Variants in EXPH5 observed in about 807,000 individuals in gnomAD.
The protein encoded by EXPH5 is exophilin-5.
A neutral mutation model predicts 41.1 loss-of-function variants in EXPH5; 42 were observed. The observed-to-expected ratio is 1.02, with a 90% confidence interval of 0.80 to 1.32. EXPH5 has a LOEUF of 1.32. Among genes scored for constraint, EXPH5 ranks in the 40% most tolerant of loss-of-function variants. The probability of loss-of-function intolerance (pLI) is 0.00; values close to 1 mark genes in which losing one functional copy is unlikely to be tolerated. For synonymous variants in EXPH5, 798 were observed against 833.5 expected (o/e 0.96, Z 0.73); for missense variants, 2,298 against 2,314.5 (o/e 0.99, Z 0.15).
At chr11:108,595,810 G>A (rs1029626750), upstream of EXPH5, among the ~76,000 whole-genome samples, 2 of 152,218 alleles carry the variant, frequency 1.3e-5, no homozygotes, top group African/African-American at 4.8e-5. Context: ...AAGGTAGGCT[G>A]AGCTCTGACT....
At chr11:108,563,774 G>C (rs558948530) in intron 1 of EXPH5, among the ~76,000 whole-genome samples, 10 of 152,294 alleles carry the variant, frequency 6.6e-5, no homozygotes, top group East Asian at 3.9e-4. Context: ...AGGTTGATGG[G>C]GAAAGGGAAA....
At chr11:108,515,760 GCA>G (rs2093720976) in intron 5 of EXPH5, among the ~76,000 whole-genome samples, 1 of 152,090 alleles carries the variant, frequency 6.6e-6, no homozygotes, top group Admixed American at 6.6e-5. Flanking sequence ...ACTGTACAAT[GCA>G]ACCTCTGTGC....
chr11:108,540,477 T>C (rs949328293), intron 2 of EXPH5, among the ~76,000 whole-genome samples: 3 of 152,148 alleles, frequency 2.0e-5, no homozygotes, highest in Non-Finnish European at 4.4e-5. Flanking sequence ...TGAGTCTTTT[T>C]ACGTAGATAT....
intron 4 of EXPH5, among the ~76,000 whole-genome samples, chr11:108,525,351 C>T (rs1299196141): frequency 6.6e-6 from 1 of 152,160 alleles, no homozygotes; most frequent in Non-Finnish European, 1.5e-5. Context: ...ACAGAGCTGG[C>T]AGTATCACTG....
intron 1 of EXPH5, among the ~76,000 whole-genome samples, chr11:108,588,802 T>C (rs2094120562): frequency 6.6e-6 from 1 of 152,240 alleles, no homozygotes; most frequent in Non-Finnish European, 1.5e-5. Context: ...AAAAGAACAC[T>C]GCTGCTTGGC....
Position 108,593,607 on chromosome 11 carries a change from T to G in EXPH5, c.-71A>C. 6.2e-7 allele frequency: 1 copy of G among 1,611,710 alleles called. No individual in the cohort carries two copies. The highest frequency in any genetic ancestry group is 1.3e-5 in the African/African-American group (1 of 74,950). On this transcript the variant is annotated 5_prime_UTR_variant, in exon 1 of 6. Transcript: ENST00000265843. ...TGTTAGGAAGGCATTTTTCAACCTGTACAAGACCAGTTTCACGAACTTGAT... is the reference window on the plus strand; with the variant it reads ...TGTTAGGAAGGCATTTTTCAACCTGGACAAGACCAGTTTCACGAACTTGAT...
At chr11:108,530,527 G>A (rs968924108) in intron 3 of EXPH5, among the ~76,000 whole-genome samples, 5 of 151,480 alleles carry the variant, frequency 3.3e-5, no homozygotes, top group Non-Finnish European at 5.9e-5. Context: ...AAAAGCTTGG[G>A]CACAGCAAGG....
chr11:108,606,233 C>T, the EXPH5 span, among the ~76,000 whole-genome samples: 2 of 152,180 alleles, frequency 1.3e-5, no homozygotes, highest in Non-Finnish European at 2.9e-5. Flanking sequence ...AACTGCCTAG[C>T]TCTAAAGCCA....
In EXPH5 at chr11:108,505,924, G is replaced by A. The variant is rs1197129461; in HGVS notation, c.*3613C>T. ...AACCAAACCTTTGTTAGTAGCAGTT[G>A]GAATTTTGTTGGCATCAATGTATTT... On this transcript the variant is annotated 3_prime_UTR_variant, in exon 6 of 6. Transcript: ENST00000265843. The A allele has an allele frequency of 6.6e-6, 1 of 152,100 alleles. No individual in the cohort carries two copies. Among genetic ancestry groups the A allele is most frequent in the Non-Finnish European group, 1.5e-5 (1 of 68,022 alleles). 9.4% of individuals were successfully genotyped at this position (152,100 alleles called of 1,614,324 possible). A position where few individuals can be genotyped will look rare whatever the true frequency, so the allele number is the denominator to read the frequency against.
intron 1 of EXPH5, among the ~76,000 whole-genome samples, chr11:108,576,802 T>C (rs985905227): frequency 4.6e-5 from 7 of 152,206 alleles, no homozygotes; most frequent in African/African-American, 1.4e-4. Flanking sequence ...CGTTTCCTTA[T>C]TGTGCTATCA....
Position 108,514,558 on chromosome 11 carries a change from CA to C in EXPH5, c.948del (p.Phe316LeufsTer74). The stretch of plus-strand genomic sequence containing the variant: ...CTGTCAAAACACAGCGAAGTACTGC[CA>C]AAAGTATTCTTTTGCACATAATCTT... Reference protein sequence around the residue: ...FKEDYVQKNTFGSTSLCFDSR... With the variant: ...FKEDYVQKNTXGSTSLCFDSR... On this transcript the variant is annotated frameshift_variant, in exon 6 of 6. Coordinates refer to ENST00000265843, the MANE Select transcript of EXPH5 (RefSeq NM_015065.3). LOFTEE classifies it low-confidence loss of function (END_TRUNC). 1 of 1,614,020 alleles carries C rather than the reference CA, an allele frequency of 6.2e-7. No homozygotes were observed. The highest frequency in any genetic ancestry group is 8.5e-7 in the Non-Finnish European group (1 of 1,179,950).
chr11:108,581,541 C>T (rs1267051563), intron 1 of EXPH5, among the ~76,000 whole-genome samples: 8 of 151,818 alleles, frequency 5.3e-5, no homozygotes, highest in African/African-American at 7.2e-5. Flanking sequence ...AACCAAAAAA[C>T]GCTTATACTG....
rs1370100735 is a variant in EXPH5, at chr11:108,511,943, G to A, written c.3564C>T (p.Tyr1188=). 18 of 1,601,018 alleles carry A rather than the reference G, an allele frequency of 1.1e-5. No individual in the cohort carries two copies. Among genetic ancestry groups the A allele is most frequent in the Non-Finnish European group, 1.4e-5 (17 of 1,176,400 alleles). Reference sequence around the variant, plus strand: ...CAGCCATTTTACCCTCTTTCTCAGTGTATTCTTGGAAGTTTTCCTTTTGGT... The same window carrying A: ...CAGCCATTTTACCCTCTTTCTCAGTATATTCTTGGAAGTTTTCCTTTTGGT... ...RQHQKENFQE[Y]TEKEGKMAAS... Residue 1188 remains tyrosine, a synonymous_variant, in exon 6 of 6, where the codon TAC becomes TAT. Coordinates refer to ENST00000265843, the MANE Select transcript of EXPH5 (RefSeq NM_015065.3).
chr11:108,565,950 G>T (rs2094032773), intron 1 of EXPH5, among the ~76,000 whole-genome samples: 1 of 152,112 alleles, frequency 6.6e-6, no homozygotes, highest in African/African-American at 2.4e-5. Flanking sequence ...TTAGCTAAAG[G>T]GTTGAAAAAC....
At position 108,593,617 on chromosome 11, in the gene EXPH5, G is replaced by T; in HGVS notation, c.-81C>A. 6.2e-7 allele frequency: 1 copy of T among 1,609,284 alleles called. No individual in the cohort carries two copies. The highest frequency in any genetic ancestry group is 8.5e-7 in the Non-Finnish European group (1 of 1,177,608). ...GCATTTTTCAACCTGTACAAGACCA[G>T]TTTCACGAACTTGATCCCACAGCCA... On this transcript the variant is annotated 5_prime_UTR_variant, in exon 1 of 6. It adds an upstream start codon to the 5' untranslated region. Coordinates refer to ENST00000265843, the MANE Select transcript of EXPH5 (RefSeq NM_015065.3).
chr11:108,577,799 T>A (rs1419110653), intron 1 of EXPH5, among the ~76,000 whole-genome samples: 1 of 152,208 alleles, frequency 6.6e-6, no homozygotes, highest in African/African-American at 2.4e-5. Context: ...TAATTAGTGA[T>A]GTTTAGCATT....
rs778702199 is a variant in EXPH5 at position 108,539,106 on chromosome 11, A to G, written c.361T>C (p.Phe121Leu). ...KPTPFSSRMS[F>L]RSSFASLFSF... Reference sequence around the variant, plus strand: ...AACAGGGAAGCAAATGACGATCTGAAGCTCATCCGGGAAGAAAAAGGTGTC... The same window carrying G: ...AACAGGGAAGCAAATGACGATCTGAGGCTCATCCGGGAAGAAAAAGGTGTC... Residue 121 changes from phenylalanine to leucine, a missense_variant, in exon 3 of 6, where the codon TTC becomes CTC. Transcript: ENST00000265843. The G allele has an allele frequency of 6.2e-7, 1 of 1,612,248 alleles. No individual in the cohort carries two copies. The highest frequency in any genetic ancestry group is 8.5e-7 in the Non-Finnish European group (1 of 1,178,856).
At chr11:108,584,170 T>C (rs1283840856) in intron 1 of EXPH5, among the ~76,000 whole-genome samples, 28 of 152,208 alleles carry the variant, frequency 1.8e-4, no homozygotes, top group Non-Finnish European at 1.5e-5. Flanking sequence ...ACACAGGTTG[T>C]TGTATGTATA....
intron 1 of EXPH5, among the ~76,000 whole-genome samples, chr11:108,575,919 A>C (rs2094078242): frequency 6.6e-6 from 1 of 152,332 alleles, no homozygotes; most frequent in East Asian, 1.9e-4. Flanking sequence ...CCGAGATCAC[A>C]CCACTGCACT....
Sources: gnomAD v4.1 joint callset for allele counts (sites outside exome capture counted in the v4.1 genomes callset) on GRCh38, gnomAD v4.1.1 for gene constraint, MANE v1.5 for transcripts, NCBI Gene and HGNC (gene_info 2026-07-23, HGNC 2026-07-21) for gene names.